The following LAMA5 variants were observed in gnomAD, a reference collection of about 807,000 sequenced individuals.
The protein encoded by LAMA5 is laminin subunit alpha 5.
LAMA5 carries 260 observed loss-of-function variants against 433.4 expected under a neutral mutation model. That is an observed-to-expected ratio of 0.60 (90% confidence interval 0.54 to 0.66). The LOEUF (loss-of-function observed/expected upper bound fraction) is 0.66, where lower values mean the gene tolerates loss of function less well. Ranked by LOEUF, LAMA5 falls within the 30% of genes least tolerant of loss-of-function variation. The pLI is 0.00. For missense variants in LAMA5, 5,378 were observed against 5,258.5 expected (o/e 1.02, Z -0.70); for synonymous variants, 2,620 against 2,226.6 (o/e 1.18, Z -4.97).
At position 62,325,674 on chromosome 20, in the gene LAMA5, A is replaced by G. The variant is rs997998993; in HGVS notation, c.5299-128T>C. 5 of 603,638 alleles carry G rather than the reference A, an allele frequency of 8.3e-6. No homozygotes were observed. The African/African-American group carries it at 9.3e-5, about 11-fold the overall frequency. 37.4% of individuals were successfully genotyped at this position (603,638 alleles called of 1,614,324 possible). Reference sequence around the variant, plus strand: ...GACCATGGGGCAGGAGGAGGTACACACAGGTAGAAAAACCAGTCTCCCATG... The same window carrying G: ...GACCATGGGGCAGGAGGAGGTACACGCAGGTAGAAAAACCAGTCTCCCATG... On this transcript the variant is annotated intron_variant, in intron 40 of 79. Transcript: ENST00000252999.
chr20:62,329,258 G>T lies in LAMA5; in HGVS notation c.4120-5C>A. 2.5e-6 allele frequency: 4 copies of T among 1,604,348 alleles called. No individual in the cohort carries two copies. The highest frequency in any genetic ancestry group is 2.6e-6 in the Non-Finnish European group (3 of 1,172,722). Reference sequence around the variant, plus strand: ...AGGGACCACGAGTACATAATCCTAGGGGGTGAGGCCTGGTCACTCTCCCGC... The same window carrying T: ...AGGGACCACGAGTACATAATCCTAGTGGGTGAGGCCTGGTCACTCTCCCGC... On this transcript the variant is annotated splice_region_variant and splice_polypyrimidine_tract_variant and intron_variant, in intron 32 of 79. Coordinates refer to ENST00000252999, the MANE Select transcript of LAMA5 (RefSeq NM_005560.6).
At chr20:62,336,525 A>G in intron 17 of LAMA5, 80 bp from the exon 18 acceptor site, 1 of 1,334,182 alleles carries the variant, frequency 7.5e-7, no homozygotes, top group Non-Finnish European at 1.1e-6. Flanking sequence ...GAGCCCTGAC[A>G]AGGGGTGGTG....
Position 62,362,500 on chromosome 20 carries a change from G to T in LAMA5, c.350C>A (p.Ala117Glu), listed in dbSNP as rs770543738. 6 of 1,604,918 alleles carry T rather than the reference G, an allele frequency of 3.7e-6. No individual in the cohort carries two copies. Among genetic ancestry groups the T allele is most frequent in the Non-Finnish European group, 5.1e-6 (6 of 1,175,292 alleles). ...CTCCGTGCCATCGATGGCATTGCTC[G>T]CGGGGTGTGCCTTGTTGCTGTTGGC... ...TAANSNKAHPASNAIDGTERW... is the reference protein window; with the variant it reads ...TAANSNKAHPESNAIDGTERW... The change falls in exon 2 of 80, where the codon GCG becomes GAG. Residue 117 changes from alanine to glutamate, a missense_variant. Ala to Glu is a moderately radical substitution (Grantham distance 107). Transcript: ENST00000252999.
chr20:62,367,023 G>A lies in LAMA5; in HGVS notation c.223C>T (p.Arg75Cys). ...TTGCAGTAAAGGTCCTCGGTGGGGC[G>A]CGGGGAGCCGCGCGCCGGGGCCTCC... ...GEEAPARGSPRPTEDLYCKLV... is the reference protein window; with the variant it reads ...GEEAPARGSPCPTEDLYCKLV... Residue 75 changes from arginine (R) to cysteine (C), a missense_variant, in exon 1 of 80, where the codon CGC (arginine) becomes TGC (cysteine). Arg to Cys is a radical substitution (Grantham distance 180). Transcript: ENST00000252999. The A allele has an allele frequency of 7.8e-7, 1 of 1,275,904 alleles. No individual in the cohort carries two copies. The highest frequency in any genetic ancestry group is 2.6e-4 in the Middle Eastern group (1 of 3,810). The allele number at this position is 1,275,904 out of a possible 1,614,324, so 79.0% of individuals were successfully genotyped here.
intron 2 of LAMA5, 169 bp from the exon 3 acceptor site, chr20:62,353,420 G>A: frequency 1.8e-6 from 1 of 545,502 alleles, no homozygotes; most frequent in Non-Finnish European, 3.2e-6. Context: ...GAACCCAGGG[G>A]AGAGGGCTCC....
chr20:62,352,388 G>C lies in LAMA5; in HGVS notation c.569-28C>G, dbSNP rs372711467. 6 of 1,554,684 alleles carry C rather than the reference G, an allele frequency of 3.9e-6. No homozygotes were observed. In the African/African-American group the frequency reaches 4.1e-5, roughly 11 times the overall value. On this transcript the variant is annotated intron_variant, in intron 3 of 79. Coordinates refer to ENST00000252999, the MANE Select transcript of LAMA5 (RefSeq NM_005560.6). The stretch of plus-strand genomic sequence containing the variant: ...GCGGGGAATGGCGGGAGGGGAGGGC[G>C]CTGGATCACCAGAAAAGCCTGGGTC...
chr20:62,327,004 C>G (rs753412319), intron 38 of LAMA5, 38 bp from the exon 39 acceptor site: 1 of 1,463,442 alleles, frequency 6.8e-7, no homozygotes, highest in Non-Finnish European at 9.5e-7. Flanking sequence ...TGGCCAGACT[C>G]TGGCCACAGG....
intron 1 of LAMA5, among the ~76,000 whole-genome samples, chr20:62,366,494 G>C (rs983595648): frequency 1.3e-5 from 2 of 152,214 alleles, no homozygotes; most frequent in Non-Finnish European, 2.9e-5. Context: ...CCTCCGAGAG[G>C]GGCTAGTGGG....
Position 62,333,948 on chromosome 20 carries a change from C to G in LAMA5, c.2831G>C (p.Gly944Ala), listed in dbSNP as rs1250538010. ...GCCCTCCTCTCGCACAGAGACCCGC[C>G]CGCTCACACTCATGGCCCCCCGGTT... ...YVNRGAMSVS[G>A]RVSVREEGRS... The change falls in exon 23 of 80, where the codon GGG becomes GCG. Residue 944 changes from glycine to alanine, a missense_variant. Physicochemically the swap from Gly to Ala is moderately conservative, Grantham distance 60. Transcript: ENST00000252999. The G allele has an allele frequency of 6.2e-7, 1 of 1,612,398 alleles. No homozygotes were observed. The highest frequency in any genetic ancestry group is 8.5e-7 in the Non-Finnish European group (1 of 1,179,740).
At position 62,312,269 on chromosome 20, in the gene LAMA5, C is replaced by A. The variant is rs756910333; in HGVS notation, c.9408G>T (p.Ala3136=). ...TFHGHGFLRL[A]LSNVAPLTGN... is the part of the protein sequence containing the mutation. ...CAGTGAGCGGTGCCACGTTCGAGAGCGCCAGGCGAAGGAAGCCGTGGCCAT... is the reference window on the plus strand; with the variant it reads ...CAGTGAGCGGTGCCACGTTCGAGAGAGCCAGGCGAAGGAAGCCGTGGCCAT... The change falls in exon 69 of 80, where the codon GCG becomes GCT. Residue 3136 remains alanine, a synonymous_variant. Transcript: ENST00000252999. 1 of 1,611,150 alleles carries A rather than the reference C, an allele frequency of 6.2e-7. No individual in the cohort carries two copies. The highest frequency in any genetic ancestry group is 1.7e-5 in the Admixed American group (1 of 59,838).
chr20:62,328,034 C>T (rs887768502), intron 35 of LAMA5, 24 bp from the exon 36 acceptor site: 3 of 1,609,578 alleles, frequency 1.9e-6, no homozygotes, highest in Non-Finnish European at 2.5e-6. Flanking sequence ...GGGAGCTGAG[C>T]CCCCTCCACC....
In LAMA5 at chr20:62,325,029, G is replaced by T. The variant is rs1390747649; in HGVS notation, c.5529+287C>A. 5 of 459,860 alleles carry T rather than the reference G, an allele frequency of 1.1e-5. No homozygotes were observed. The Admixed American group carries it at 1.9e-4, about 18-fold the overall frequency. 28.5% of individuals were successfully genotyped at this position (459,860 alleles called of 1,614,324 possible). Reference sequence around the variant, plus strand: ...GATGGTCGGTGGGGGATGTCCAGGTGACCCAGTGGTGGGGGCTGGGGTAGG... The same window carrying T: ...GATGGTCGGTGGGGGATGTCCAGGTTACCCAGTGGTGGGGGCTGGGGTAGG... On this transcript the variant is annotated intron_variant, in intron 41 of 79. Coordinates refer to ENST00000252999, the MANE Select transcript of LAMA5 (RefSeq NM_005560.6).
rs145426625 is a variant in LAMA5 at position 62,333,661 on chromosome 20, G to A, written c.2924C>T (p.Pro975Leu). 3.1e-4 allele frequency: 494 copies of A among 1,594,474 alleles called. 4 individuals carry two copies. The highest frequency in any genetic ancestry group is 6.9e-5 in the Non-Finnish European group (81 of 1,172,324). The change falls in exon 24 of 80, where the codon CCT (proline) becomes CTT (leucine). Residue 975 changes from proline to leucine, a missense_variant. Physicochemically the swap from Pro to Leu is moderately conservative, Grantham distance 98 (BLOSUM62 -3). Transcript: ENST00000252999. ...CCTCTGGGGCACGGTGATGAAGGCA[G>A]GCTCCGTGCTGGGTGGGAAGGCCAC... ...QPVAFPPSTE[P>L]AFITVPQRGF...
rs752146711 is a variant in LAMA5, at chr20:62,320,572, C to T, written c.6746G>A (p.Arg2249Gln). Residue 2249 changes from arginine to glutamine, a missense_variant, in exon 50 of 80, where the codon CGG (arginine) becomes CAG (glutamine). Coordinates refer to ENST00000252999, the MANE Select transcript of LAMA5 (RefSeq NM_005560.6). ...QSTSLGQDAR[R>Q]LGGQAVGTRD... ...TGGGGCTCCTGCCTGGCCGCCTAGC[C>T]GCCGTGCGTCCTGCCCGAGGCTTGT... 204 of 1,597,436 alleles carry T rather than the reference C, an allele frequency of 1.3e-4. No homozygotes were observed. Among genetic ancestry groups the T allele is most frequent in the Middle Eastern group, 1.7e-4 (1 of 5,816 alleles).
At position 62,367,125 on chromosome 20, in the gene LAMA5, C is replaced by G; in HGVS notation, c.121G>C (p.Gly41Arg). 7.8e-7 allele frequency: 1 copy of G among 1,274,896 alleles called. No individual in the cohort carries two copies. Among genetic ancestry groups the G allele is most frequent in the Non-Finnish European group, 9.9e-7 (1 of 1,014,148 alleles). The allele number at this position is 1,274,896 out of a possible 1,614,324, so 79.0% of individuals were successfully genotyped here. Residue 41 changes from glycine (G) to arginine (R), a missense_variant, in exon 1 of 80, where the codon GGC becomes CGC. Coordinates refer to ENST00000252999, the MANE Select transcript of LAMA5 (RefSeq NM_005560.6). ...GAARAREEAG[G>R]GFSLHPPYFN... The stretch of plus-strand genomic sequence containing the variant: ...TAGGGCGGGTGCAGGCTGAAGCCGC[C>G]GCCCGCCTCCTCCCGCGCCCGCGCC...
chr20:62,309,680 G>C, intron 79 of LAMA5, 36 bp downstream of exon 79: 1 of 1,391,182 alleles, frequency 7.2e-7, no homozygotes, highest in Non-Finnish European at 9.8e-7. Context: ...AGTCCTGAGG[G>C]GCAGCTCCCC....
In LAMA5 at chr20:62,314,840, C is replaced by T. The variant is rs547534421; in HGVS notation, c.8155G>A (p.Val2719Met). The T allele has an allele frequency of 2.4e-5, 39 of 1,612,834 alleles. 1 individual carries two copies. The highest frequency in any genetic ancestry group is 1.3e-4 in the South Asian group (12 of 91,078). ...CGGGCCTGGGCAATGAGCTCTCGCA[C>T]GCGGCCAATGCTGGCGGACAGGGCC... ...SLALSASIGRVRELIAQARGA... is the reference protein window; with the variant it reads ...SLALSASIGRMRELIAQARGA... The change falls in exon 60 of 80, where the codon GTG becomes ATG. Residue 2719 changes from valine to methionine, a missense_variant. Val to Met is a conservative substitution (Grantham distance 21, BLOSUM62 1). Coordinates refer to ENST00000252999, the MANE Select transcript of LAMA5 (RefSeq NM_005560.6).
Position 62,366,545 on chromosome 20 carries a change from A to C in LAMA5, c.297+404T>G, listed in dbSNP as rs1366010894. On this transcript the variant is annotated intron_variant, in intron 1 of 79. Transcript: ENST00000252999. ...GCCCCTCCCACCCCATCCAGAGGCC[A>C]ACAGGTTCCAGCCTGTCCCGGGTAG... is the stretch of plus-strand genomic sequence containing the variant. Among the ~76,000 whole-genome samples the C allele has an allele frequency of 2.0e-5, 3 of 152,162 alleles. No individual in the cohort carries two copies. The East Asian group carries it at 5.8e-4, about 29-fold the overall frequency.
At chr20:62,312,845 C>G (rs773251098) in intron 66 of LAMA5, 43 bp downstream of exon 66, 1 of 1,601,794 alleles carries the variant, frequency 6.2e-7, no homozygotes, top group Non-Finnish European at 8.5e-7. Context: ...CCCCATCGTT[C>G]CATCTCCTCT....
Sources: gnomAD v4.1 joint callset for allele counts (sites outside exome capture counted in the v4.1 genomes callset) on GRCh38, gnomAD v4.1.1 for gene constraint, MANE v1.5 for transcripts, NCBI Gene and HGNC (gene_info 2026-07-23, HGNC 2026-07-21) for gene names.